Variants in USP4 observed in about 807,000 individuals in gnomAD.
USP4 encodes ubiquitin carboxyl-terminal hydrolase 4.
A neutral mutation model predicts 118.2 loss-of-function variants in USP4; 72 were observed. The observed-to-expected ratio is 0.61, with a 90% CI of 0.50 to 0.74. USP4 has a LOEUF of 0.74. Among genes scored for constraint, USP4 ranks in the 30% least tolerant of loss-of-function variants. The pLI, the probability that USP4 is intolerant of heterozygous loss-of-function variation, is 0.00. For missense variants in USP4, 1,037 were observed against 1,185.7 expected (o/e 0.87, Z 1.84); for synonymous variants, 415 against 440.4 (o/e 0.94, Z 0.72).
chr3:49,309,442 G>C (rs1325665396), intron 8 of USP4, among the ~76,000 whole-genome samples: 1 of 151,862 alleles, frequency 6.6e-6, no homozygotes, highest in Non-Finnish European at 1.5e-5. Flanking sequence ...TTTCCATTTT[G>C]AGACAGGGTC....
Position 49,277,144 on chromosome 3 carries a change from AC to A in USP4, c.*1148del, listed in dbSNP as rs535705777. 5.4e-4 allele frequency: 787 copies of A among 1,444,344 alleles called. 4 individuals carry two copies. In the African/African-American group the frequency reaches 8.4e-3, roughly 15 times the overall value. 89.5% of individuals were successfully genotyped at this position (1,444,344 alleles called of 1,614,324 possible). ...CTCCCAGGCCGCTGGCCCTACCGGC[AC>A]CCCCCCTTTGGCGAGTCGGCAGCCA... is the stretch of plus-strand genomic sequence containing the variant. On this transcript the variant is annotated 3_prime_UTR_variant, in exon 22 of 22. Coordinates refer to ENST00000265560, the MANE Select transcript of USP4 (RefSeq NM_003363.4).
intron 2 of USP4, among the ~76,000 whole-genome samples, chr3:49,333,022 T>C (rs935851620): frequency 6.6e-6 from 1 of 151,410 alleles, no homozygotes; most frequent in Non-Finnish European, 1.5e-5. Flanking sequence ...GCTACCTTTT[T>C]TTTTTTTGAG....
At position 49,283,977 on chromosome 3, in the gene USP4, CAT is replaced by C. The variant is rs1477508716; in HGVS notation, c.2540+8_2540+9del. ...TAAATGTTCCTAACACTGTAGTCAC[CAT>C]GACCCACCTGATTGGGAATTCTACG... On this transcript the variant is annotated splice_region_variant and intron_variant, in intron 19 of 21. Coordinates refer to ENST00000265560, the MANE Select transcript of USP4 (RefSeq NM_003363.4). 1 of 1,614,046 alleles carries C rather than the reference CAT, an allele frequency of 6.2e-7. No individual in the cohort carries two copies. Among genetic ancestry groups the C allele is most frequent in the Non-Finnish European group, 8.5e-7 (1 of 1,180,006 alleles).
At chr3:49,339,865 GA>G in intron 1 of USP4, 58 bp downstream of exon 1, 10 of 1,440,750 alleles carry the variant, frequency 6.9e-6, no homozygotes, top group Non-Finnish European at 9.7e-6. Flanking sequence ...CGAGAAAAAG[GA>G]GGCCCCTTTT....
At chr3:49,287,044 G>T (rs1459199546) in intron 15 of USP4, among the ~76,000 whole-genome samples, 1 of 152,048 alleles carries the variant, frequency 6.6e-6, no homozygotes, top group Non-Finnish European at 1.5e-5. Flanking sequence ...TAGAGACGGG[G>T]TTTCACCATG....
chr3:49,329,385 T>C (rs889687062), intron 2 of USP4, among the ~76,000 whole-genome samples: 1 of 151,974 alleles, frequency 6.6e-6, no homozygotes, highest in Admixed American at 6.6e-5. Context: ...CCATGAATCA[T>C]GAATATTTTT....
chr3:49,307,502 T>G (rs1364898884), intron 8 of USP4, among the ~76,000 whole-genome samples: 1 of 152,094 alleles, frequency 6.6e-6, no homozygotes, highest in African/African-American at 2.4e-5. Context: ...TTAGCTAGGC[T>G]TGGTCTCAAA....
At chr3:49,327,595 T>C (rs982182557) in intron 3 of USP4, 91 bp downstream of exon 3, 2 of 1,409,046 alleles carry the variant, frequency 1.4e-6, no homozygotes, top group Non-Finnish European at 2.0e-6. Context: ...ACCACTGAGG[T>C]ATGTTCATTT....
intron 9 of USP4, among the ~76,000 whole-genome samples, chr3:49,305,166 G>A (rs1300091945): frequency 1.3e-5 from 2 of 150,172 alleles, no homozygotes; most frequent in Non-Finnish European, 3.0e-5. Flanking sequence ...TCTGCCTCCC[G>A]GGTTCACGCC....
At chr3:49,317,076 G>A (rs2047445063) in intron 6 of USP4, 2 of 1,259,328 alleles carry the variant, frequency 1.6e-6, no homozygotes, top group Non-Finnish European at 2.3e-6. Flanking sequence ...CCTGCCCATG[G>A]TCTGGTCAGC....
chr3:49,295,724 ACACACACACACC>A (rs1401065483), intron 13 of USP4, among the ~76,000 whole-genome samples: 4 of 150,196 alleles, frequency 2.7e-5, no homozygotes, highest in Non-Finnish European at 4.4e-5. Flanking sequence ...GCACACACAC[ACACACACACACC>A]CCCCCCTCCC....
At chr3:49,339,780 T>G in intron 1 of USP4, 144 bp downstream of exon 1, 1 of 616,412 alleles carries the variant, frequency 1.6e-6, no homozygotes, top group Non-Finnish European at 2.8e-6. Context: ...CCTGGAGTTA[T>G]TCTCCTGAGG....
At chr3:49,314,628 C>T (rs1389224886) in intron 6 of USP4, among the ~76,000 whole-genome samples, 1 of 152,216 alleles carries the variant, frequency 6.6e-6, no homozygotes, top group Non-Finnish European at 1.5e-5. Context: ...AGACAGAATA[C>T]TGAAATTCAA....
chr3:49,278,355 G>T lies in USP4; in HGVS notation c.2830C>A (p.Arg944=). The change falls in exon 22 of 22, where the codon CGA becomes AGA. Residue 944 remains arginine, a synonymous_variant. Coordinates refer to ENST00000265560, the MANE Select transcript of USP4 (RefSeq NM_003363.4). The part of the protein sequence containing the change: ...SSSGSSDGGT[R]PSSSQQGFGD... Reference sequence around the variant, plus strand: ...AAGCCCTGCTGAGAGCTGCTTGGTCGTGTCCCTCCATCAGAGGAACCAGAA... The same window carrying T: ...AAGCCCTGCTGAGAGCTGCTTGGTCTTGTCCCTCCATCAGAGGAACCAGAA... 2.5e-6 allele frequency: 4 copies of T among 1,614,074 alleles called. No individual in the cohort carries two copies. Among genetic ancestry groups the T allele is most frequent in the Non-Finnish European group, 3.4e-6 (4 of 1,180,026 alleles).
At chr3:49,321,610 G>T (rs564449998) in intron 6 of USP4, among the ~76,000 whole-genome samples, 193 of 152,008 alleles carry the variant, frequency 1.3e-3, no homozygotes, top group African/African-American at 4.3e-3. Flanking sequence ...TACGATTACA[G>T]GCATGTGCCA....
At chr3:49,295,129 A>G (rs1349478756) in intron 13 of USP4, among the ~76,000 whole-genome samples, 1 of 151,990 alleles carries the variant, frequency 6.6e-6, no homozygotes, top group East Asian at 1.9e-4. Context: ...CTCTTCTAAA[A>G]ATACAAACAA....
chr3:49,316,058 C>T (rs2047431875), intron 6 of USP4, among the ~76,000 whole-genome samples: 1 of 151,944 alleles, frequency 6.6e-6, no homozygotes. Flanking sequence ...ACAAAATTAG[C>T]CAGGCATGGT....
intron 6 of USP4, chr3:49,313,832 G>A (rs914107643): frequency 2.6e-5 from 4 of 152,010 alleles, no homozygotes; most frequent in Non-Finnish European, 5.9e-5. Flanking sequence ...AGGACATAAG[G>A]AAGAAAGTAA....
chr3:49,277,948 TG>T lies in USP4; in HGVS notation c.*344del. 4.9e-6 allele frequency: 2 copies of T among 409,300 alleles called. No homozygotes were observed. Among genetic ancestry groups the T allele is most frequent in the Non-Finnish European group, 8.6e-6 (2 of 233,648 alleles). The allele number at this position is 409,300 out of a possible 1,614,324, so 25.4% of individuals were successfully genotyped here. On this transcript the variant is annotated 3_prime_UTR_variant, in exon 22 of 22. Transcript: ENST00000265560. ...GCTCAGGGCAGCCCTGCAGGTGGGGTGGGTCTCCAGGCTGCTCCATACTCAG... is the reference window on the plus strand; with the variant it reads ...GCTCAGGGCAGCCCTGCAGGTGGGGTGGTCTCCAGGCTGCTCCATACTCAG...
Sources: gnomAD v4.1 joint callset for allele counts (sites outside exome capture counted in the v4.1 genomes callset) on GRCh38, gnomAD v4.1.1 for gene constraint, MANE v1.5 for transcripts, NCBI Gene and HGNC (gene_info 2026-07-23, HGNC 2026-07-21) for gene names.